The following TGFB2 variants were observed in gnomAD, a reference collection of about 807,000 sequenced individuals.
TGFB2 encodes transforming growth factor beta-2 proprotein.
A neutral mutation model predicts 42.7 loss-of-function variants in TGFB2; 13 were observed. That is an observed-to-expected ratio of 0.30 (90% CI 0.20 to 0.48). TGFB2 has a LOEUF of 0.48. Ranked by LOEUF, TGFB2 falls within the 20% of genes least tolerant of loss-of-function variation. TGFB2 has a pLI of 0.99. For missense variants in TGFB2, 390 were observed against 517.5 expected (o/e 0.75, Z 2.39); for synonymous variants, 193 against 193.6 (o/e 1.00, Z 0.03).
In TGFB2 at chr1:218,441,415, TGAC is replaced by T; in HGVS notation, c.*60_*62del. 1.3e-6 allele frequency: 2 copies of T among 1,542,618 alleles called. No homozygotes were observed. Among genetic ancestry groups the T allele is most frequent in the Non-Finnish European group, 1.7e-6 (2 of 1,143,686 alleles). ...ATGACAATGATGATGATAATGATGA[TGAC>T]GACGACAACGATGATGCTTGTAACA... On this transcript the variant is annotated 3_prime_UTR_variant, in exon 7 of 7. Coordinates refer to ENST00000366930, the MANE Select transcript of TGFB2 (RefSeq NM_003238.6).
chr1:218,380,625 G>T (rs1197225614), intron 1 of TGFB2, among the ~76,000 whole-genome samples: 1 of 152,144 alleles, frequency 6.6e-6, no homozygotes, highest in African/African-American at 2.4e-5. Context: ...CTCCGCCTGG[G>T]ATGCCAAGCA....
intron 1 of TGFB2, among the ~76,000 whole-genome samples, chr1:218,381,257 TG>T (rs1288537158): frequency 1.5e-5 from 2 of 129,870 alleles, no homozygotes; most frequent in African/African-American, 5.6e-5. Flanking sequence ...TTTTTGTTTT[TG>T]TTTTTTTTTT....
intron 2 of TGFB2, among the ~76,000 whole-genome samples, chr1:218,414,524 T>C (rs1395467049): frequency 6.6e-6 from 1 of 152,158 alleles, no homozygotes. Flanking sequence ...TGAGGTATAA[T>C]AAACACTTTG....
At chr1:218,418,492 C>T (rs970292694) in intron 2 of TGFB2, among the ~76,000 whole-genome samples, 4 of 152,158 alleles carry the variant, frequency 2.6e-5, no homozygotes, top group Non-Finnish European at 5.9e-5. Flanking sequence ...CTTGCCTTGT[C>T]TCAGATGAGA....
At chr1:218,398,387 G>C (rs939037619) in intron 1 of TGFB2, among the ~76,000 whole-genome samples, 2 of 152,206 alleles carry the variant, frequency 1.3e-5, no homozygotes. Context: ...ATAAACAATA[G>C]ATAGATGGCT....
intron 1 of TGFB2, among the ~76,000 whole-genome samples, chr1:218,394,324 A>C (rs1320815513): frequency 6.6e-6 from 1 of 152,068 alleles, no homozygotes. Flanking sequence ...CCTGATGAGG[A>C]ATGTAGAGGA....
intron 2 of TGFB2, among the ~76,000 whole-genome samples, chr1:218,412,705 A>G (rs1326288080): frequency 6.6e-6 from 1 of 152,186 alleles, no homozygotes; most frequent in African/African-American, 2.4e-5. Flanking sequence ...CGTGTTCAAC[A>G]TGTGTTAGTT....
chr1:218,402,331 G>A (rs1426079866), intron 1 of TGFB2, among the ~76,000 whole-genome samples: 1 of 152,226 alleles, frequency 6.6e-6, no homozygotes, highest in Non-Finnish European at 1.5e-5. Flanking sequence ...GAGGAGGGCT[G>A]TTTGCCAATG....
At chr1:218,392,858 T>A (rs1026754434) in intron 1 of TGFB2, among the ~76,000 whole-genome samples, 4 of 152,230 alleles carry the variant, frequency 2.6e-5, no homozygotes, top group Non-Finnish European at 5.9e-5. Context: ...TGCCACTTGG[T>A]TAAGTTGGTA....
rs924914023 is a variant in TGFB2 at position 218,434,225 on chromosome 1, A to G, written c.643+11A>G. ...GGCTTCACCATAAAGGTTACAAGCC[A>G]CTCTCTCTTTTCCTCCCAAGATGTT... On this transcript the variant is annotated intron_variant, in intron 3 of 6. Transcript: ENST00000366930. The G allele has an allele frequency of 2.5e-6, 4 of 1,613,020 alleles. No individual in the cohort carries two copies. Among genetic ancestry groups the G allele is most frequent in the Non-Finnish European group, 3.4e-6 (4 of 1,179,112 alleles).
intron 1 of TGFB2, among the ~76,000 whole-genome samples, chr1:218,369,662 T>A (rs754703514): frequency 2.6e-5 from 4 of 152,160 alleles, no homozygotes; most frequent in African/African-American, 4.8e-5. Context: ...TGAAGCCTAG[T>A]CATGGCCGTC....
intron 1 of TGFB2, among the ~76,000 whole-genome samples, chr1:218,378,697 C>A (rs1356879800): frequency 6.6e-6 from 1 of 152,032 alleles, no homozygotes; most frequent in Non-Finnish European, 1.5e-5. Context: ...GCCTGGAACT[C>A]CTGGCCCCAA....
intron 1 of TGFB2, among the ~76,000 whole-genome samples, chr1:218,392,805 C>T (rs150961290): frequency 6.6e-6 from 1 of 152,190 alleles, no homozygotes; most frequent in African/African-American, 2.4e-5. Flanking sequence ...CGTATTTATT[C>T]ACTCTCAAGC....
At chr1:218,432,820 G>C (rs950442345) in intron 2 of TGFB2, among the ~76,000 whole-genome samples, 1 of 152,112 alleles carries the variant, frequency 6.6e-6, no homozygotes, top group Non-Finnish European at 1.5e-5. Context: ...CAAAAATCCG[G>C]AAGAGTAGTA....
At chr1:218,436,719 T>C (rs1659982893) in intron 5 of TGFB2, among the ~76,000 whole-genome samples, 1 of 152,176 alleles carries the variant, frequency 6.6e-6, no homozygotes, top group Non-Finnish European at 1.5e-5. Context: ...TTTCCTTATT[T>C]TGAGAGGTAC....
chr1:218,368,505 C>A (rs1440910672), intron 1 of TGFB2, among the ~76,000 whole-genome samples: 1 of 152,188 alleles, frequency 6.6e-6, no homozygotes, highest in Non-Finnish European at 1.5e-5. Context: ...AATTGAATAG[C>A]AAAAATCCTT....
chr1:218,426,591 C>T (rs1447139902), intron 2 of TGFB2, among the ~76,000 whole-genome samples: 1 of 152,164 alleles, frequency 6.6e-6, no homozygotes, highest in African/African-American at 2.4e-5. Flanking sequence ...ATGAAGGTGG[C>T]ATTCAAACAT....
chr1:218,436,294 A>C (rs1049975705), intron 5 of TGFB2, 147 bp downstream of exon 5: 15 of 737,680 alleles, frequency 2.0e-5, no homozygotes, highest in Non-Finnish European at 2.3e-5. Context: ...TCATAATACC[A>C]TTCTTCCCAG....
At chr1:218,368,594 A>G (rs1353743978) in intron 1 of TGFB2, among the ~76,000 whole-genome samples, 1 of 152,248 alleles carries the variant, frequency 6.6e-6, no homozygotes, top group Non-Finnish European at 1.5e-5. Context: ...AGAATTGGAT[A>G]AATGTTTTGC....
Sources: gnomAD v4.1 joint callset for allele counts (sites outside exome capture counted in the v4.1 genomes callset) on GRCh38, gnomAD v4.1.1 for gene constraint, MANE v1.5 for transcripts, NCBI Gene and HGNC (gene_info 2026-07-23, HGNC 2026-07-21) for gene names.